Variants in VTI1A observed in about 807,000 individuals in gnomAD.
VTI1A encodes the protein vesicle transport through interaction with t-SNAREs 1A, also known as vesicle transport through interaction with t-SNAREs homolog 1A.
A neutral mutation model predicts 34.9 loss-of-function variants in VTI1A; 22 were observed. That is an observed-to-expected ratio of 0.63 (90% CI 0.45 to 0.90). VTI1A has a LOEUF of 0.90. Among genes scored for constraint, VTI1A ranks in the 40% least tolerant of loss-of-function variants. The probability of loss-of-function intolerance (pLI) is 0.00; values close to 1 mark genes in which losing one functional copy is unlikely to be tolerated. For missense variants in VTI1A, 268 were observed against 275.6 expected, an observed-to-expected ratio of 0.97 and a Z score of 0.20; for synonymous variants, 87 against 97.3, an observed-to-expected ratio of 0.89 and a Z score of 0.62.
chr10:112,644,508 T>G (rs1846699829), intron 5 of VTI1A, among the ~76,000 whole-genome samples: 1 of 152,094 alleles, frequency 6.6e-6, no homozygotes, highest in Admixed American at 6.5e-5. Context: ...CTTTGAATAG[T>G]TTTATTGGAT....
At chr10:112,747,924 C>T (rs1294884665) in intron 7 of VTI1A, among the ~76,000 whole-genome samples, 1 of 152,140 alleles carries the variant, frequency 6.6e-6, no homozygotes, top group Non-Finnish European at 1.5e-5. Context: ...GGTACAGTGG[C>T]AATCCAACGC....
chr10:112,569,082 G>C (rs1289722234), intron 5 of VTI1A, among the ~76,000 whole-genome samples: 1 of 151,936 alleles, frequency 6.6e-6, no homozygotes, highest in Non-Finnish European at 1.5e-5. Context: ...TTGAACCCAG[G>C]AGGCGGAGGT....
intron 3 of VTI1A, among the ~76,000 whole-genome samples, chr10:112,522,898 G>A (rs1305660485): frequency 6.6e-6 from 1 of 151,974 alleles, no homozygotes; most frequent in African/African-American, 2.4e-5. Flanking sequence ...CCCAGGTGAG[G>A]CAATTTAAGC....
At chr10:112,809,028 T>C (rs1291809386) in intron 7 of VTI1A, among the ~76,000 whole-genome samples, 2 of 152,318 alleles carry the variant, frequency 1.3e-5, no homozygotes, top group South Asian at 2.1e-4. Context: ...GCTAGAGAGC[T>C]GTCATTGGCT....
chr10:112,536,642 A>G (rs1470429012), intron 4 of VTI1A, among the ~76,000 whole-genome samples: 6 of 151,502 alleles, frequency 4.0e-5, no homozygotes, highest in Admixed American at 3.9e-4. Flanking sequence ...TCTGCTGTAC[A>G]TTGGACGACT....
intron 5 of VTI1A, among the ~76,000 whole-genome samples, chr10:112,591,401 T>A (rs891416283): frequency 3.3e-5 from 5 of 151,814 alleles, no homozygotes; most frequent in African/African-American, 1.2e-4. Context: ...GTGCCTGTAG[T>A]CCCAGCTACT....
intron 3 of VTI1A, among the ~76,000 whole-genome samples, chr10:112,505,256 G>C (rs1849386783): frequency 6.6e-6 from 1 of 151,934 alleles, no homozygotes; most frequent in South Asian, 2.1e-4. Flanking sequence ...GTCTTTAATG[G>C]TTTTACCTTA....
intron 5 of VTI1A, among the ~76,000 whole-genome samples, chr10:112,568,862 A>G (rs1373410751): frequency 6.6e-6 from 1 of 152,116 alleles, no homozygotes; most frequent in Non-Finnish European, 1.5e-5. Flanking sequence ...CCCACTTAAA[A>G]GGTGAAACTC....
At chr10:112,772,491 C>T (rs973924931) in intron 7 of VTI1A, among the ~76,000 whole-genome samples, 4 of 152,188 alleles carry the variant, frequency 2.6e-5, no homozygotes, top group South Asian at 2.1e-4. Flanking sequence ...TATTCTACAG[C>T]GTGTCTTCTT....
At position 112,600,671 on chromosome 10, in the gene VTI1A, C is replaced by T. The variant is rs977311639; in HGVS notation, c.427+62341C>T. Reference sequence around the variant, plus strand: ...TTTATGGGTTTATTGTCTTTTCTTCCCACGAGAATGAAAAGTCCGTGATGT... The same window carrying T: ...TTTATGGGTTTATTGTCTTTTCTTCTCACGAGAATGAAAAGTCCGTGATGT... On this transcript the variant is annotated intron_variant, in intron 5 of 7. Coordinates refer to ENST00000393077, the MANE Select transcript of VTI1A (RefSeq NM_145206.4). Among the ~76,000 whole-genome samples the T allele has an allele frequency of 1.3e-5, 2 of 152,130 alleles. 1 individual carries two copies. Among genetic ancestry groups the T allele is most frequent in the South Asian group, 4.1e-4 (2 of 4,826 alleles).
intron 5 of VTI1A, among the ~76,000 whole-genome samples, chr10:112,583,915 T>C (rs1049290847): frequency 6.6e-6 from 1 of 152,202 alleles, no homozygotes; most frequent in African/African-American, 2.4e-5. Flanking sequence ...TTGCCAGCAC[T>C]TTCTCTTACT....
At chr10:112,811,194 C>T (rs571395035) in intron 7 of VTI1A, among the ~76,000 whole-genome samples, 18 of 152,264 alleles carry the variant, frequency 1.2e-4, no homozygotes, top group Non-Finnish European at 2.5e-4. Flanking sequence ...ATAATGACTG[C>T]AGGATCCAGG....
intron 7 of VTI1A, among the ~76,000 whole-genome samples, chr10:112,757,899 C>G (rs1258295010): frequency 4.6e-5 from 7 of 152,278 alleles, no homozygotes; most frequent in South Asian, 2.1e-4. Context: ...ACTTTTTCCA[C>G]TTGACAGCAT....
At chr10:112,481,522 G>A (rs1310032981) in intron 3 of VTI1A, among the ~76,000 whole-genome samples, 1 of 152,118 alleles carries the variant, frequency 6.6e-6, no homozygotes, top group African/African-American at 2.4e-5. Context: ...TGGTAAGAAG[G>A]GAAATATGGT....
the VTI1A span, among the ~76,000 whole-genome samples, chr10:112,830,849 A>ATATATTTTTTTTTTTT: frequency 3.3e-4 from 11 of 33,498 alleles, no homozygotes; most frequent in African/African-American, 7.2e-4. Flanking sequence ...ATATATATAT[A>ATATATTTTTTTTTTTT]TTTTTTTTTT....
Position 112,599,257 on chromosome 10 carries a change from A to G in VTI1A, c.427+60927A>G, listed in dbSNP as rs142940362. 5.7e-3 allele frequency among the ~76,000 whole-genome samples: 875 copies of G among 152,316 alleles called. 17 individuals are homozygous for G. The highest frequency in any genetic ancestry group is 0.02 in the African/African-American group (847 of 41,562). On this transcript the variant is annotated intron_variant, in intron 5 of 7. Coordinates refer to ENST00000393077, the MANE Select transcript of VTI1A (RefSeq NM_145206.4). Reference sequence around the variant, plus strand: ...CAGAGTGAGGTAGGAAGCAACCCACAAGGAGGGCCATGATTGCATTAAGAG... The same window carrying G: ...CAGAGTGAGGTAGGAAGCAACCCACGAGGAGGGCCATGATTGCATTAAGAG...
At chr10:112,761,916 A>T (rs1851481805) in intron 7 of VTI1A, among the ~76,000 whole-genome samples, 1 of 151,652 alleles carries the variant, frequency 6.6e-6, no homozygotes, top group South Asian at 2.1e-4. Context: ...CTGAATATCT[A>T]CTCCGCGATC....
At chr10:112,571,321 G>A (rs112426460) in intron 5 of VTI1A, among the ~76,000 whole-genome samples, 6 of 152,260 alleles carry the variant, frequency 3.9e-5, no homozygotes, top group African/African-American at 1.4e-4. Context: ...TTCATCTTAA[G>A]GAAACTCGTT....
At chr10:112,753,271 T>TATAATAATA (rs10566277) in intron 7 of VTI1A, among the ~76,000 whole-genome samples, 87 of 150,330 alleles carry the variant, frequency 5.8e-4, no homozygotes, top group African/African-American at 2.0e-3. Flanking sequence ...CTCTTTTAAA[T>TATAATAATA]ATAATAATAA....
Sources: allele counts gnomAD v4.1 joint callset (sites outside exome capture counted in the v4.1 genomes callset), GRCh38; gene constraint gnomAD v4.1.1; transcripts MANE v1.5; gene names NCBI Gene and HGNC (gene_info 2026-07-23, HGNC 2026-07-21).